ARHGEF10L: variants seen among roughly 807,000 people sequenced by gnomAD.
The protein encoded by ARHGEF10L is rho guanine nucleotide exchange factor 10-like protein.
Under a neutral mutation model 141.2 loss-of-function variants are expected in ARHGEF10L, and 69 were observed. The ratio of observed to expected loss-of-function variants is 0.49; its 90% CI spans 0.40 to 0.60. The LOEUF is 0.60. ARHGEF10L is among the 20% of genes least tolerant of loss of function. The probability of loss-of-function intolerance (pLI) is 0.00; values close to 1 mark genes in which losing one functional copy is unlikely to be tolerated. For synonymous variants in ARHGEF10L, 711 were observed against 718.5 expected (o/e 0.99, Z 0.17); for missense variants, 1,482 against 1,734.3 (o/e 0.85, Z 2.58).
chr1:17,528,186 G>GA, the ARHGEF10L span, among the ~76,000 whole-genome samples: 2 of 151,616 alleles, frequency 1.3e-5, no homozygotes, highest in South Asian at 4.2e-4. Context: ...TCTTTACTTT[G>GA]AAAAAATTCA....
chr1:17,695,377 T>C, intron 28 of ARHGEF10L, 97 bp downstream of exon 28: 1 of 1,457,654 alleles, frequency 6.9e-7, no homozygotes, highest in Non-Finnish European at 9.1e-7. Context: ...CTCATTGGTA[T>C]AGGGATGGGG....
intron 1 of ARHGEF10L, among the ~76,000 whole-genome samples, chr1:17,548,080 A>AG (rs2076979473): frequency 6.6e-6 from 1 of 152,170 alleles, no homozygotes. Flanking sequence ...TTGACAAGAA[A>AG]GGGCAGGTAG....
In ARHGEF10L at chr1:17,656,579, A is replaced by T; in HGVS notation, c.2731A>T (p.Thr911Ser). Reference protein sequence around the residue: ...GSILLYSSVDTGTQCLVSCRS... With the variant: ...GSILLYSSVDSGTQCLVSCRS... ...CATCCTCCTCTACAGCAGTGTGGAC[A>T]CTGGCACCCAGTGCCTGGTGAGCTG... The change falls in exon 25 of 29, where the codon ACT becomes TCT. Residue 911 changes from threonine (T) to serine (S), a missense_variant. Coordinates refer to ENST00000361221, the MANE Select transcript of ARHGEF10L (RefSeq NM_018125.4). This position sits in a 1 kb window ranked among gnomAD's most constrained non-coding sequence, Gnocchi z 4.9. 1.2e-6 allele frequency: 2 copies of T among 1,613,242 alleles called. No homozygotes were observed. The highest frequency in any genetic ancestry group is 1.7e-6 in the Non-Finnish European group (2 of 1,179,848).
chr1:17,686,816 A>G (rs1297747132), intron 26 of ARHGEF10L, among the ~76,000 whole-genome samples: 1 of 150,402 alleles, frequency 6.6e-6, no homozygotes, highest in Admixed American at 6.7e-5. Context: ...AAAAGTTTTT[A>G]TTTGTTTTAA....
intron 26 of ARHGEF10L, among the ~76,000 whole-genome samples, chr1:17,669,081 T>A (rs1005342724): frequency 1.4e-4 from 21 of 152,320 alleles, no homozygotes; most frequent in African/African-American, 4.8e-4. Context: ...GTGTGATGTC[T>A]GCAGCAGAAT....
intron 14 of ARHGEF10L, 95 bp downstream of exon 14, chr1:17,626,143 G>A: frequency 1.8e-6 from 2 of 1,091,838 alleles, no homozygotes; most frequent in Non-Finnish European, 2.7e-6. Context: ...CTGGGCTCTT[G>A]TCCGTGATCC....
intron 1 of ARHGEF10L, among the ~76,000 whole-genome samples, chr1:17,566,357 G>A (rs1215388546): frequency 3.3e-5 from 5 of 152,218 alleles, no homozygotes; most frequent in Non-Finnish European, 4.4e-5. Context: ...GGACACAACA[G>A]CCCCTGGTTG....
At chr1:17,634,583 CGGGGCTCT>C (rs748233176) in intron 17 of ARHGEF10L, 21 bp downstream of exon 17, 68 of 1,613,004 alleles carry the variant, frequency 4.2e-5, no homozygotes, top group African/African-American at 1.5e-4. Context: ...CAGGGGGCTC[CGGGGCTCT>C]GGGGCTCTGG....
At chr1:17,635,166 GC>G in intron 18 of ARHGEF10L, 150 bp downstream of exon 18, 2 of 962,700 alleles carry the variant, frequency 2.1e-6, no homozygotes, top group Non-Finnish European at 3.1e-6. Flanking sequence ...TGGTTTTGCA[GC>G]CCCACCCTGG....
intron 22 of ARHGEF10L, among the ~76,000 whole-genome samples, chr1:17,653,171 C>T (rs1006951979): frequency 6.6e-5 from 10 of 152,174 alleles, no homozygotes; most frequent in African/African-American, 2.4e-4. Context: ...AGGGTCTCTG[C>T]TCTGTAGGTG....
In ARHGEF10L at chr1:17,623,252, A is replaced by G; in HGVS notation, c.1200+77A>G. ...GTCTGACCCCGGGGCCATGCAGTCCAGCCTCCTGCCTCTGCCTGCTTGCCT... is the reference window on the plus strand; with the variant it reads ...GTCTGACCCCGGGGCCATGCAGTCCGGCCTCCTGCCTCTGCCTGCTTGCCT... On this transcript the variant is annotated intron_variant, in intron 12 of 28. Transcript: ENST00000361221. The surrounding 1 kb of genome is among the most constrained non-coding windows in gnomAD (Gnocchi z 4.7). The G allele has an allele frequency of 4.0e-6, 6 of 1,514,912 alleles. No individual in the cohort carries two copies. The highest frequency in any genetic ancestry group is 5.4e-6 in the Non-Finnish European group (6 of 1,115,888). 93.8% of individuals were successfully genotyped at this position (1,514,912 alleles called of 1,614,324 possible). A position where few individuals can be genotyped will look rare whatever the true frequency, so the allele number is the denominator to read the frequency against.
chr1:17,602,311 GT>G, intron 5 of ARHGEF10L, 93 bp downstream of exon 5: 25 of 1,388,234 alleles, frequency 1.8e-5, no homozygotes, highest in Non-Finnish European at 2.4e-5. Flanking sequence ...GTGGGCTCCT[GT>G]GAGCCCAGGG....
At chr1:17,696,763 A>C in intron 28 of ARHGEF10L, 85 bp from the exon 29 acceptor site, 2 of 1,297,936 alleles carry the variant, frequency 1.5e-6, no homozygotes, top group Non-Finnish European at 1.0e-6. Flanking sequence ...ACCCACCCAG[A>C]ATGTTCTCCA....
At chr1:17,688,941 G>A (rs922434695) in intron 27 of ARHGEF10L, among the ~76,000 whole-genome samples, 1 of 152,130 alleles carries the variant, frequency 6.6e-6, no homozygotes, top group Non-Finnish European at 1.5e-5. Flanking sequence ...ACAGTCCACG[G>A]CAGTCACAAT....
the ARHGEF10L span, among the ~76,000 whole-genome samples, chr1:17,518,802 CAAAA>C: frequency 6.2e-4 from 62 of 99,868 alleles, no homozygotes; most frequent in Middle Eastern, 8.2e-3. Flanking sequence ...GATTCTGTCT[CAAAA>C]AAAAAAAAAA....
At position 17,587,530 on chromosome 1, in the gene ARHGEF10L, G is replaced by A. The variant is rs976857357; in HGVS notation, c.108G>A (p.Glu36=). 2.2e-5 allele frequency: 36 copies of A among 1,614,110 alleles called. No individual in the cohort carries two copies. The highest frequency in any genetic ancestry group is 3.1e-5 in the Non-Finnish European group (36 of 1,180,046). The part of the protein sequence containing the change: ...EAEDDPGEAF[E]FDDSDDEEDT... ...AGGACGACCCAGGAGAGGCGTTTGA[G>A]TTTGATGACAGTGATGATGAAGAGG... The change falls in exon 3 of 29, where the codon GAG becomes GAA. Residue 36 remains glutamate (E), a synonymous_variant. Transcript: ENST00000361221.
intron 22 of ARHGEF10L, among the ~76,000 whole-genome samples, chr1:17,653,805 T>A (rs1557942858): frequency 6.6e-6 from 1 of 152,250 alleles, no homozygotes; most frequent in East Asian, 1.9e-4. Flanking sequence ...CAGGCACGCC[T>A]CCCTCTGACC....
rs2101357665 is a variant in ARHGEF10L at position 17,619,213 on chromosome 1, C to G, written c.836-126C>G. 1 of 891,934 alleles carries G rather than the reference C, an allele frequency of 1.1e-6. No individual in the cohort carries two copies. Among genetic ancestry groups the G allele is most frequent in the Non-Finnish European group, 1.7e-6 (1 of 572,610 alleles). The allele number at this position is 891,934 out of a possible 1,614,324, so 55.3% of individuals were successfully genotyped here. On this transcript the variant is annotated intron_variant, in intron 9 of 28. Coordinates refer to ENST00000361221, the MANE Select transcript of ARHGEF10L (RefSeq NM_018125.4). This position sits in a 1 kb window ranked among gnomAD's most constrained non-coding sequence, Gnocchi z 5.0. ...CGGGCGGCTCTAACCCCACGGGGCC[C>G]CAGGAGCTGCTTGCACCCTAGGACC...
chr1:17,672,394 G>C (rs11582045), intron 26 of ARHGEF10L, among the ~76,000 whole-genome samples: 2 of 152,014 alleles, frequency 1.3e-5, no homozygotes, highest in Non-Finnish European at 2.9e-5. Context: ...TTCAGGCGCA[G>C]GGCTTCTTGG....
Sources: allele counts gnomAD v4.1 joint callset (sites outside exome capture counted in the v4.1 genomes callset), GRCh38; gene constraint gnomAD v4.1.1; non-coding constraint Gnocchi (gnomAD v3.1); transcripts MANE v1.5; gene names NCBI Gene and HGNC (gene_info 2026-07-23, HGNC 2026-07-21).